Variants in TUSC3 observed in about 807,000 individuals in gnomAD.
TUSC3 encodes the protein dolichyl-diphosphooligosaccharide--protein glycosyltransferase subunit TUSC3.
Under a neutral mutation model 44.8 loss-of-function variants are expected in TUSC3, and 45 were observed. The ratio of observed to expected loss-of-function variants is 1.00; its 90% CI spans 0.79 to 1.29. The LOEUF is 1.29. TUSC3 is among the 50% of genes most tolerant of loss of function. The pLI is 0.00. For missense variants in TUSC3, 519 were observed against 437.9 expected, an observed-to-expected ratio of 1.19 and a Z score of -1.65; for synonymous variants, 212 against 152.9, an observed-to-expected ratio of 1.39 and a Z score of -2.85.
At chr8:15,839,227 G>A in the TUSC3 span, among the ~76,000 whole-genome samples, 1 of 152,200 alleles carries the variant, frequency 6.6e-6, no homozygotes. Context: ...AGACTTTGGT[G>A]AAGTTCCTTA....
chr8:15,478,268 T>C lies in TUSC3; in HGVS notation n.92-5118T>C, dbSNP rs145173979. ...GGGGTGAGTTACCATGCCTGGCCTT[T>C]TTAAAATTTTATTCTTTTTTAAGTT... On this transcript the variant is annotated intron_variant and non_coding_transcript_variant, in intron 1 of 5. Coordinates refer to the TUSC3 transcript ENST00000503191. 1.9e-3 allele frequency among the ~76,000 whole-genome samples: 282 copies of C among 152,272 alleles called. 1 individual carries two copies. The highest frequency in any genetic ancestry group is 6.1e-3 in the African/African-American group (255 of 41,564).
chr8:15,521,657 C>T (rs1025347987), intron 2 of TUSC3, among the ~76,000 whole-genome samples: 4 of 152,202 alleles, frequency 2.6e-5, no homozygotes, highest in Non-Finnish European at 4.4e-5. Flanking sequence ...AGAAAGTTTA[C>T]GAATTTATGT....
At chr8:15,464,518 A>G (rs377180658) in intron 1 of TUSC3, among the ~76,000 whole-genome samples, 2 of 152,174 alleles carry the variant, frequency 1.3e-5, no homozygotes, top group African/African-American at 4.8e-5. Flanking sequence ...GATCTGTTTG[A>G]CACCTGAAAC....
intron 2 of TUSC3, among the ~76,000 whole-genome samples, chr8:15,640,428 T>G (rs752461636): frequency 1.4e-4 from 22 of 152,234 alleles, no homozygotes; most frequent in Non-Finnish European, 2.5e-4. Context: ...CCTCTGAGTC[T>G]TCTTAGTGAA....
At chr8:15,479,510 A>C (rs1057098152) in intron 1 of TUSC3, among the ~76,000 whole-genome samples, 2 of 152,168 alleles carry the variant, frequency 1.3e-5, no homozygotes, top group African/African-American at 4.8e-5. Flanking sequence ...ATGGCTAGCC[A>C]GTTTTCACAG....
intron 1 of TUSC3, among the ~76,000 whole-genome samples, chr8:15,474,936 T>G (rs1800554842): frequency 6.6e-6 from 1 of 152,212 alleles, no homozygotes; most frequent in Non-Finnish European, 1.5e-5. Context: ...AGCAATTTCT[T>G]ATTTATATTG....
the TUSC3 span, among the ~76,000 whole-genome samples, chr8:15,805,148 A>G: frequency 2.0e-5 from 3 of 152,124 alleles, no homozygotes; most frequent in Non-Finnish European, 4.4e-5. Flanking sequence ...TTATTGGTGT[A>G]TGGAAATGCT....
chr8:15,807,948 C>A, the TUSC3 span, among the ~76,000 whole-genome samples: 1 of 152,074 alleles, frequency 6.6e-6, no homozygotes, highest in African/African-American at 2.4e-5. Flanking sequence ...GCATTTGCAT[C>A]CCCAACCTTA....
At chr8:15,543,967 A>C (rs1408102561) in intron 1 of TUSC3, among the ~76,000 whole-genome samples, 2 of 152,032 alleles carry the variant, frequency 1.3e-5, no homozygotes, top group Non-Finnish European at 2.9e-5. Flanking sequence ...ACACATACAC[A>C]TATGCTTCTT....
intron 10 of TUSC3, among the ~76,000 whole-genome samples, chr8:15,763,876 C>T (rs1433569095): frequency 6.6e-6 from 1 of 151,952 alleles, no homozygotes; most frequent in African/African-American, 2.4e-5. Flanking sequence ...CAGTCCATTC[C>T]CTTGTATTTC....
chr8:15,771,420 T>C (rs1425255860), downstream of TUSC3, among the ~76,000 whole-genome samples: 1 of 152,140 alleles, frequency 6.6e-6, no homozygotes, highest in Non-Finnish European at 1.5e-5. Flanking sequence ...TCCTTCAAGC[T>C]GAAAGGACAA....
At chr8:15,787,592 C>T in the TUSC3 span, among the ~76,000 whole-genome samples, 24 of 152,190 alleles carry the variant, frequency 1.6e-4, no homozygotes, top group Middle Eastern at 3.4e-3. Context: ...TCACAACAAC[C>T]GATCACTTCT....
At chr8:15,457,921 TTAG>T (rs1172365920) in intron 1 of TUSC3, among the ~76,000 whole-genome samples, 1 of 150,324 alleles carries the variant, frequency 6.7e-6, no homozygotes, top group Non-Finnish European at 1.5e-5. Flanking sequence ...TGAATAATAA[TTAG>T]TACTCCAATG....
chr8:15,802,224 A>T, the TUSC3 span, among the ~76,000 whole-genome samples: 2 of 152,158 alleles, frequency 1.3e-5, no homozygotes, highest in African/African-American at 4.8e-5. Flanking sequence ...TCACTGGGTG[A>T]AATCCCACCC....
At chr8:15,823,774 T>C in the TUSC3 span, among the ~76,000 whole-genome samples, 4 of 149,362 alleles carry the variant, frequency 2.7e-5, no homozygotes, top group Non-Finnish European at 6.0e-5. Flanking sequence ...TGCAACTAAA[T>C]CAAACAGAGA....
chr8:15,803,706 C>T, the TUSC3 span, among the ~76,000 whole-genome samples: 1 of 152,120 alleles, frequency 6.6e-6, no homozygotes, highest in Non-Finnish European at 1.5e-5. Flanking sequence ...ATGCTCTCCT[C>T]CTCTTTTGCC....
At chr8:15,758,491 C>T (rs1812028334) in intron 10 of TUSC3, among the ~76,000 whole-genome samples, 1 of 151,756 alleles carries the variant, frequency 6.6e-6, no homozygotes, top group South Asian at 2.1e-4. Context: ...CACATCCCAC[C>T]CCCTCAAGAC....
At chr8:15,813,658 A>G in the TUSC3 span, among the ~76,000 whole-genome samples, 297 of 152,344 alleles carry the variant, frequency 1.9e-3, no homozygotes, top group Non-Finnish European at 3.0e-3. Flanking sequence ...TCTATAAAAT[A>G]TAATGTGGGG....
At chr8:15,721,019 AAAAG>A (rs1017715990) in intron 6 of TUSC3, among the ~76,000 whole-genome samples, 5 of 152,128 alleles carry the variant, frequency 3.3e-5, no homozygotes. Context: ...GTACATCAAA[AAAAG>A]AAAATGTAAG....
Sources: allele counts gnomAD v4.1 joint callset (sites outside exome capture counted in the v4.1 genomes callset), GRCh38; gene constraint gnomAD v4.1.1; transcripts MANE v1.5; gene names NCBI Gene and HGNC (gene_info 2026-07-23, HGNC 2026-07-21).